The following SAP130 variants were observed in gnomAD, a reference collection of about 807,000 sequenced individuals.
The protein encoded by SAP130 is histone deacetylase complex subunit SAP130.
In SAP130, 16 loss-of-function variants were observed where a neutral mutation model predicts 103.2. That is an observed-to-expected ratio of 0.16 (90% CI 0.10 to 0.24). SAP130 has a LOEUF of 0.24. Among genes scored for constraint, SAP130 ranks in the 10% least tolerant of loss-of-function variants. The probability of loss-of-function intolerance (pLI) is 1.00; values close to 1 mark genes in which losing one functional copy is unlikely to be tolerated. For missense variants in SAP130, 990 were observed against 1,359.7 expected (o/e 0.73, Z 4.28); for synonymous variants, 477 against 497.0 (o/e 0.96, Z 0.53).
intron 18 of SAP130, among the ~76,000 whole-genome samples, chr2:127,947,897 C>G (rs915088194): frequency 6.6e-6 from 1 of 152,118 alleles, no homozygotes; most frequent in African/African-American, 2.4e-5. Flanking sequence ...TCATGCAATT[C>G]TCCTGCCTCA....
chr2:128,009,485 A>C (rs567096154), intron 7 of SAP130, among the ~76,000 whole-genome samples: 93 of 152,050 alleles, frequency 6.1e-4, no homozygotes, highest in African/African-American at 2.2e-3. Context: ...AAATAATAAT[A>C]ATCTACCCAG....
At position 127,942,096 on chromosome 2, in the gene SAP130, A is replaced by C; in HGVS notation, c.3084T>G (p.Val1028=). The change falls in exon 21 of 21, where the codon GTT becomes GTG. Residue 1028 remains valine (V), a synonymous_variant. Coordinates refer to ENST00000643581, the MANE Select transcript of SAP130 (RefSeq NM_001330301.2). This position sits in a 1 kb window ranked among gnomAD's most constrained non-coding sequence, Gnocchi z 4.8. ...TCAGGACACGGTCTTTATGATCTAA[A>C]ACCTTAAGCATGGAGTCTCTGGCTT... is the stretch of plus-strand genomic sequence containing the variant. ...ISEARDSMLK[V]LDHKDRVLKL... 6.2e-7 allele frequency: 1 copy of C among 1,609,736 alleles called. No individual in the cohort carries two copies. The highest frequency in any genetic ancestry group is 8.5e-7 in the Non-Finnish European group (1 of 1,178,768).
chr2:127,951,081 T>G (rs766801911), intron 16 of SAP130, among the ~76,000 whole-genome samples: 1 of 152,194 alleles, frequency 6.6e-6, no homozygotes, highest in African/African-American at 2.4e-5. Context: ...GGCATTATTA[T>G]TATCCTCCAA....
intron 15 of SAP130, among the ~76,000 whole-genome samples, chr2:127,963,145 A>G (rs1044304785): frequency 6.6e-6 from 1 of 152,158 alleles, no homozygotes; most frequent in Admixed American, 6.5e-5. Flanking sequence ...TATCTTCCCA[A>G]TTCATCATTT....
intron 10 of SAP130, among the ~76,000 whole-genome samples, 174 bp downstream of exon 10, chr2:127,999,567 G>A (rs1352856143): frequency 6.6e-6 from 1 of 150,946 alleles, no homozygotes; most frequent in East Asian, 1.9e-4. Context: ...TCACGTCACT[G>A]CACTCCAGTT....
chr2:128,001,771 A>C (rs1419948012), intron 7 of SAP130, among the ~76,000 whole-genome samples: 1 of 152,148 alleles, frequency 6.6e-6, no homozygotes, highest in African/African-American at 2.4e-5. Flanking sequence ...TTGCATGTCA[A>C]GACTGCCTAA....
rs138713125 is a variant in SAP130, at chr2:127,988,027, C to T, written c.1781-1065G>A. Among the ~76,000 whole-genome samples the T allele has an allele frequency of 3.4e-4, 51 of 152,230 alleles. 1 individual carries two copies. The South Asian group carries it at 6.4e-3, about 19-fold the overall frequency. ...TACACCATCCTACCGGGTGGGTCAT[C>T]ATGGGTAAATTGCATCTCTATCATA... On this transcript the variant is annotated intron_variant, in intron 13 of 20. Coordinates refer to ENST00000643581, the MANE Select transcript of SAP130 (RefSeq NM_001330301.2).
intron 7 of SAP130, 141 bp from the exon 8 acceptor site, chr2:128,000,595 T>G (rs1573792009): frequency 1.2e-6 from 1 of 866,160 alleles, no homozygotes; most frequent in Admixed American, 2.8e-5. Context: ...CACACCAATG[T>G]GGCAAAAGGT....
At chr2:127,968,064 C>T (rs1332428918) in intron 15 of SAP130, among the ~76,000 whole-genome samples, 1 of 151,796 alleles carries the variant, frequency 6.6e-6, no homozygotes, top group Non-Finnish European at 1.5e-5. Flanking sequence ...CAGAACACTT[C>T]CTTAAACTTT....
intron 13 of SAP130, among the ~76,000 whole-genome samples, chr2:127,987,646 A>G (rs779118135): frequency 1.4e-4 from 21 of 152,274 alleles, no homozygotes; most frequent in Middle Eastern, 3.4e-3. Context: ...TTTTAGAGAT[A>G]AGAAAACTGA....
chr2:128,021,388 AGT>A (rs1023459885), intron 2 of SAP130, among the ~76,000 whole-genome samples: 6 of 150,204 alleles, frequency 4.0e-5, no homozygotes, highest in African/African-American at 1.5e-4. Flanking sequence ...TGGAGGTTGC[AGT>A]GAGTCGAGAT....
intron 14 of SAP130, 58 bp from the exon 15 acceptor site, chr2:127,978,147 G>C (rs1216478213): frequency 1.6e-6 from 2 of 1,268,104 alleles, no homozygotes; most frequent in Non-Finnish European, 2.2e-6. Flanking sequence ...TCAAGGCTAA[G>C]AAATACAGGA....
intron 14 of SAP130, among the ~76,000 whole-genome samples, chr2:127,982,036 T>C (rs933164846): frequency 1.2e-4 from 18 of 152,160 alleles, no homozygotes; most frequent in Non-Finnish European, 2.5e-4. Context: ...TATACAGTGG[T>C]TGGACACTGT....
At position 127,979,543 on chromosome 2, in the gene SAP130, T is replaced by C. The variant is rs1315182678; in HGVS notation, c.1959-1454A>G. On this transcript the variant is annotated intron_variant, in intron 14 of 20. Transcript: ENST00000643581. ...TAATAAAATGGCTTTTAAAGTCATA[T>C]TAACTAATCACAATGTATGCATCTT... Among the ~76,000 whole-genome samples the C allele has an allele frequency of 1.2e-4, 4 of 32,224 alleles. No individual in the cohort carries two copies. In the East Asian group the frequency reaches 3.9e-3, roughly 32 times the overall value. The allele number at this position is 32,224 out of a possible 152,430, so 21.1% of individuals were successfully genotyped here.
chr2:127,969,186 G>T (rs1453464423), intron 15 of SAP130, among the ~76,000 whole-genome samples: 3 of 152,130 alleles, frequency 2.0e-5, no homozygotes, highest in African/African-American at 7.2e-5. Flanking sequence ...AGGGAGACAT[G>T]AAACAGCACA....
In SAP130 at chr2:127,989,882, A is replaced by G. The variant is rs1453881743; in HGVS notation, c.1478-16T>C. 1 of 1,608,398 alleles carries G rather than the reference A, an allele frequency of 6.2e-7. No individual in the cohort carries two copies. On this transcript the variant is annotated splice_polypyrimidine_tract_variant and intron_variant, in intron 12 of 20. Coordinates refer to ENST00000643581, the MANE Select transcript of SAP130 (RefSeq NM_001330301.2). The surrounding 1 kb of genome is among the most constrained non-coding windows in gnomAD (Gnocchi z 4.6). Reference sequence around the variant, plus strand: ...TGAGCTGAAACTAAAAATGATGCGAAAGGTAACTATAAGAAGGTTAGCTTC... The same window carrying G: ...TGAGCTGAAACTAAAAATGATGCGAGAGGTAACTATAAGAAGGTTAGCTTC...
At position 127,959,777 on chromosome 2, in the gene SAP130, A is replaced by C. The variant is rs146878171; in HGVS notation, c.2064-4433T>G. ...TATCATAAATATGTGTTAATATGCA[A>C]TTACTAATTCACTTGAAATGAATCA... On this transcript the variant is annotated intron_variant, in intron 15 of 20. Coordinates refer to ENST00000643581, the MANE Select transcript of SAP130 (RefSeq NM_001330301.2). 4.6e-5 allele frequency among the ~76,000 whole-genome samples: 7 copies of C among 152,370 alleles called. No homozygotes were observed. The East Asian group carries it at 1.3e-3, about 29-fold the overall frequency.
intron 7 of SAP130, among the ~76,000 whole-genome samples, chr2:128,005,120 C>T (rs1355698565): frequency 6.6e-6 from 1 of 152,096 alleles, no homozygotes; most frequent in Non-Finnish European, 1.5e-5. Flanking sequence ...GACATAAGAA[C>T]TCAGTGGAAA....
In SAP130 at chr2:127,990,374, G is replaced by A. The variant is rs563459977; in HGVS notation, c.1478-508C>T. 8.6e-4 allele frequency among the ~76,000 whole-genome samples: 128 copies of A among 148,028 alleles called. 2 individuals carry two copies. The highest frequency in any genetic ancestry group is 3.7e-3 in the South Asian group (17 of 4,614). ...ACTGTGTATATTGAAAAAAAAAAAAGAAAACAAGAGCATTCACAGAAAGCA... is the reference window on the plus strand; with the variant it reads ...ACTGTGTATATTGAAAAAAAAAAAAAAAAACAAGAGCATTCACAGAAAGCA... On this transcript the variant is annotated intron_variant, in intron 12 of 20. Coordinates refer to ENST00000643581, the MANE Select transcript of SAP130 (RefSeq NM_001330301.2).
Sources: allele counts gnomAD v4.1 joint callset (sites outside exome capture counted in the v4.1 genomes callset), GRCh38; gene constraint gnomAD v4.1.1; non-coding constraint Gnocchi (gnomAD v3.1); transcripts MANE v1.5; gene names NCBI Gene and HGNC (gene_info 2026-07-23, HGNC 2026-07-21).